The following LPP variants were observed in gnomAD, a reference collection of about 807,000 sequenced individuals.
The protein encoded by LPP is LIM domain containing preferred translocation partner in lipoma, also known as lipoma-preferred partner.
Under a neutral mutation model 60.4 loss-of-function variants are expected in LPP, and 38 were observed. The observed-to-expected ratio is 0.63, with a 90% CI of 0.49 to 0.83. The LOEUF (loss-of-function observed/expected upper bound fraction) is 0.83. Among genes scored for constraint, LPP ranks in the 40% least tolerant of loss-of-function variants. The pLI is 0.00. For synonymous variants in LPP, 328 were observed against 290.8 expected (o/e 1.13, Z -1.30); for missense variants, 902 against 783.6 (o/e 1.15, Z -1.80).
chr3:188,662,849 C>T (rs1261951943), intron 7 of LPP, among the ~76,000 whole-genome samples: 5 of 152,232 alleles, frequency 3.3e-5, no homozygotes, highest in Admixed American at 1.3e-4. Flanking sequence ...AATATTATAA[C>T]GTCCCTTAGT....
intron 4 of LPP, among the ~76,000 whole-genome samples, chr3:188,443,191 T>G (rs1794450247): frequency 1.3e-5 from 2 of 152,226 alleles, no homozygotes; most frequent in African/African-American, 4.8e-5. Flanking sequence ...GAGAAGAAAC[T>G]GTTTTCAGAC....
intron 4 of LPP, among the ~76,000 whole-genome samples, chr3:188,464,237 G>A (rs891147455): frequency 6.6e-6 from 1 of 152,158 alleles, no homozygotes; most frequent in Non-Finnish European, 1.5e-5. Flanking sequence ...ATGGCTTAGG[G>A]AGTCAAGTGA....
chr3:188,526,204 C>T (rs949873392), intron 6 of LPP, among the ~76,000 whole-genome samples: 3 of 152,204 alleles, frequency 2.0e-5, no homozygotes, highest in Non-Finnish European at 2.9e-5. Flanking sequence ...TACAGTGGTT[C>T]CTTTCTTAAA....
chr3:188,159,223 T>G (rs1717445868), intron 1 of LPP, among the ~76,000 whole-genome samples: 1 of 152,228 alleles, frequency 6.6e-6, no homozygotes, highest in Non-Finnish European at 1.5e-5. Flanking sequence ...TCTCTGGTGC[T>G]GAACCATATA....
At chr3:188,308,832 AGTT>A (rs1752360995) in intron 2 of LPP, among the ~76,000 whole-genome samples, 1 of 144,738 alleles carries the variant, frequency 6.9e-6, no homozygotes, top group African/African-American at 2.6e-5. Flanking sequence ...TCTGAGCCTG[AGTT>A]GTTGTTTCTT....
chr3:188,803,312 C>A (rs1747900395), intron 9 of LPP, among the ~76,000 whole-genome samples: 1 of 152,102 alleles, frequency 6.6e-6, no homozygotes, highest in African/African-American at 2.4e-5. Context: ...GGATTACAGG[C>A]ATTAGCCACT....
chr3:188,549,714 C>T (rs1827579214), intron 6 of LPP, among the ~76,000 whole-genome samples: 1 of 152,150 alleles, frequency 6.6e-6, no homozygotes, highest in Non-Finnish European at 1.5e-5. Context: ...CAGAGGTCTC[C>T]ACTACCACTC....
At chr3:188,441,045 T>TGC (rs1553899327) in intron 4 of LPP, among the ~76,000 whole-genome samples, 7 of 150,060 alleles carry the variant, frequency 4.7e-5, no homozygotes, top group East Asian at 1.9e-4. Context: ...TGTGTGTGTG[T>TGC]GCGTGCCTGT....
At chr3:188,690,593 G>A (rs1861904990) in intron 7 of LPP, among the ~76,000 whole-genome samples, 1 of 152,174 alleles carries the variant, frequency 6.6e-6, no homozygotes, top group Non-Finnish European at 1.5e-5. Context: ...TTTAAAGGAT[G>A]ATAAATAGCT....
intron 5 of LPP, among the ~76,000 whole-genome samples, chr3:188,502,308 A>G (rs1171257271): frequency 6.6e-6 from 1 of 152,184 alleles, no homozygotes; most frequent in Non-Finnish European, 1.5e-5. Flanking sequence ...GTGTGTATAC[A>G]TTTACAATTG....
intron 1 of LPP, among the ~76,000 whole-genome samples, chr3:188,221,046 T>C (rs1001901686): frequency 2.0e-5 from 3 of 152,186 alleles, no homozygotes; most frequent in Non-Finnish European, 4.4e-5. Context: ...CCAAGTGCTT[T>C]AGAACATGAG....
chr3:188,472,409 A>T (rs1560448391), intron 4 of LPP, among the ~76,000 whole-genome samples: 1 of 152,200 alleles, frequency 6.6e-6, no homozygotes, highest in Non-Finnish European at 1.5e-5. Context: ...CATGCCAAAA[A>T]ACAACCACCT....
At chr3:188,466,044 A>G (rs1800289075) in intron 4 of LPP, among the ~76,000 whole-genome samples, 1 of 152,162 alleles carries the variant, frequency 6.6e-6, no homozygotes, top group Non-Finnish European at 1.5e-5. Flanking sequence ...AGAAGGGGCA[A>G]GATTTGCGAG....
chr3:188,326,556 A>T (rs1402073860), intron 2 of LPP, among the ~76,000 whole-genome samples: 1 of 152,230 alleles, frequency 6.6e-6, no homozygotes, highest in Non-Finnish European at 1.5e-5. Context: ...ACTTAACGTT[A>T]TTCTGTTAAA....
intron 9 of LPP, among the ~76,000 whole-genome samples, chr3:188,781,354 A>G (rs1423284808): frequency 6.6e-6 from 1 of 152,174 alleles, no homozygotes; most frequent in Non-Finnish European, 1.5e-5. Flanking sequence ...CTGGGAGTGG[A>G]GAAAATGACT....
chr3:188,780,820 A>T (rs1304950876), intron 9 of LPP, among the ~76,000 whole-genome samples: 1 of 152,196 alleles, frequency 6.6e-6, no homozygotes, highest in Non-Finnish European at 1.5e-5. Context: ...GAAAATTTAC[A>T]TATGTGATCA....
At position 188,406,129 on chromosome 3, in the gene LPP, C is replaced by A. The variant is rs756455107; in HGVS notation, c.9C>A (p.His3Gln). 3.8e-5 allele frequency: 61 copies of A among 1,611,866 alleles called. No individual in the cohort carries two copies. Among genetic ancestry groups the A allele is most frequent in the Non-Finnish European group, 5.1e-5 (60 of 1,179,180 alleles). ...CATTGCAGATTCCAACAATGTCTCA[C>A]CCATCTTGGCTGCCACCCAAAAGCA... is the stretch of plus-strand genomic sequence containing the variant. MS[H>Q]PSWLPPKSTG... Residue 3 changes from histidine (H) to glutamine (Q), a missense_variant, in exon 4 of 12, where the codon CAC becomes CAA. Transcript: ENST00000617246.
At chr3:188,595,222 C>G (rs1014234347) in intron 6 of LPP, among the ~76,000 whole-genome samples, 3 of 146,972 alleles carry the variant, frequency 2.0e-5, no homozygotes, top group African/African-American at 7.3e-5. Context: ...TTTGTTTGAA[C>G]CCAGGAATTT....
chr3:188,793,516 C>G (rs1744460339), intron 9 of LPP, among the ~76,000 whole-genome samples: 1 of 152,104 alleles, frequency 6.6e-6, no homozygotes, highest in Non-Finnish European at 1.5e-5. Context: ...AATTGAGACC[C>G]ACATCAGCGA....
Sources: gnomAD v4.1 joint callset for allele counts (sites outside exome capture counted in the v4.1 genomes callset) on GRCh38, gnomAD v4.1.1 for gene constraint, MANE v1.5 for transcripts, NCBI Gene and HGNC (gene_info 2026-07-23, HGNC 2026-07-21) for gene names.